Variants in TNRC6C observed in about 807,000 individuals in gnomAD.
The protein encoded by TNRC6C is trinucleotide repeat-containing gene 6C protein.
A neutral mutation model predicts 153.7 loss-of-function variants in TNRC6C; 20 were observed. The ratio of observed to expected loss-of-function variants is 0.13; its 90% CI spans 0.09 to 0.19. The LOEUF is 0.19. TNRC6C is among the 10% of genes least tolerant of loss of function. The pLI is 1.00. For synonymous variants in TNRC6C, 811 were observed against 841.4 expected (o/e 0.96, Z 0.63); for missense variants, 1,987 against 2,172.0 (o/e 0.91, Z 1.69).
chr17:78,027,908 T>G (rs1053562828), intron 1 of TNRC6C, among the ~76,000 whole-genome samples: 2 of 151,222 alleles, frequency 1.3e-5, no homozygotes, highest in Non-Finnish European at 3.0e-5. Flanking sequence ...TGGAGGTTTT[T>G]TTTTTTTTTT....
intron 2 of TNRC6C, among the ~76,000 whole-genome samples, chr17:78,042,764 A>G (rs904727485): frequency 6.6e-6 from 1 of 151,580 alleles, no homozygotes; most frequent in Non-Finnish European, 1.5e-5. Context: ...GGTGGTGATC[A>G]TGGTGGTGGT....
chr17:77,968,264 C>G (rs2070913960), intron 1 of TNRC6C, among the ~76,000 whole-genome samples: 1 of 151,498 alleles, frequency 6.6e-6, no homozygotes, highest in Non-Finnish European at 1.5e-5. Flanking sequence ...AAACTCCTGA[C>G]CTCGTGATTC....
intron 19 of TNRC6C, 97 bp downstream of exon 22, chr17:78,103,650 G>A (rs1247565359): frequency 2.1e-5 from 32 of 1,518,938 alleles, no homozygotes; most frequent in Non-Finnish European, 2.8e-5. Context: ...AGCCACCATA[G>A]CAGAATCCCA....
chr17:77,973,281 TCTAA>T (rs1436906979), intron 1 of TNRC6C, among the ~76,000 whole-genome samples: 1 of 151,902 alleles, frequency 6.6e-6, no homozygotes, highest in African/African-American at 2.4e-5. Context: ...TTTGACAAAA[TCTAA>T]CATTCTTTCA....
At chr17:78,093,185 GA>G in intron 15 of TNRC6C, 61 bp downstream of exon 17, 1 of 1,546,662 alleles carries the variant, frequency 6.5e-7, no homozygotes, top group Non-Finnish European at 8.8e-7. Flanking sequence ...CAAGCCTGCA[GA>G]GAGTGATTAG....
chr17:78,027,276 TGGA>T (rs2071960040), intron 1 of TNRC6C, among the ~76,000 whole-genome samples: 3 of 151,990 alleles, frequency 2.0e-5, no homozygotes, highest in African/African-American at 7.2e-5. Context: ...TGGGAGGAGC[TGGA>T]GGAGAATGTG....
intron 2 of TNRC6C, 129 bp from the exon 5 acceptor site, chr17:78,048,716 A>T (rs1283841701): frequency 4.2e-6 from 4 of 945,610 alleles, no homozygotes; most frequent in Non-Finnish European, 5.5e-6. Context: ...TCTTTAAGTC[A>T]TTTTTTTAGT....
chr17:78,039,127 G>A (rs895443956), intron 2 of TNRC6C, among the ~76,000 whole-genome samples: 4 of 152,226 alleles, frequency 2.6e-5, no homozygotes, highest in African/African-American at 4.8e-5. Context: ...TCGAGAGGCA[G>A]TAGGGACAAA....
At chr17:77,965,485 G>A (rs1850989133) in intron 1 of TNRC6C, among the ~76,000 whole-genome samples, 1 of 152,198 alleles carries the variant, frequency 6.6e-6, no homozygotes, top group African/African-American at 2.4e-5. Context: ...AATGTGTCTA[G>A]GTCCTTGGAA....
intron 13 of TNRC6C, among the ~76,000 whole-genome samples, chr17:78,088,872 A>G (rs995541864): frequency 2.7e-5 from 4 of 148,300 alleles, no homozygotes; most frequent in African/African-American, 1.0e-4. Context: ...CATCCCACCT[A>G]TTATCCTAAA....
chr17:78,083,789 A>T (rs1366060505), intron 11 of TNRC6C, among the ~76,000 whole-genome samples: 3 of 152,206 alleles, frequency 2.0e-5, no homozygotes, highest in African/African-American at 7.2e-5. Context: ...AATTCTTGAA[A>T]GTTTTGTAGC....
upstream of TNRC6C, chr17:78,004,405 GATATCCT>G: frequency 9.8e-7 from 1 of 1,021,180 alleles, no homozygotes; most frequent in Non-Finnish European, 1.3e-6. Context: ...GCGAATAATA[GATATCCT>G]ACTGGTGAAA....
chr17:78,020,699 AT>A (rs2071815392), intron 1 of TNRC6C, among the ~76,000 whole-genome samples: 1 of 152,248 alleles, frequency 6.6e-6, no homozygotes, highest in African/African-American at 2.4e-5. Flanking sequence ...TTAACTTGAT[AT>A]ATCCAAAATA....
At chr17:78,008,227 A>T (rs1027592797) in intron 1 of TNRC6C, among the ~76,000 whole-genome samples, 4 of 152,210 alleles carry the variant, frequency 2.6e-5, no homozygotes, top group African/African-American at 9.7e-5. Flanking sequence ...TATAATATGT[A>T]GCATGCTTTC....
At chr17:78,004,144 A>G (rs1488739977), upstream of TNRC6C, 7 of 1,231,682 alleles carry the variant, frequency 5.7e-6, no homozygotes, top group Non-Finnish European at 7.1e-6. Flanking sequence ...CATCAAACTT[A>G]TACTAGTTTT....
chr17:78,073,692 A>G (rs74256103), intron 7 of TNRC6C, among the ~76,000 whole-genome samples: 12,305 of 152,288 alleles, frequency 0.081, 573 homozygotes, highest in East Asian at 0.18. Flanking sequence ...TTGGGTTCCT[A>G]TGAGCCTCTG....
At chr17:78,028,274 G>C (rs1355124991) in intron 1 of TNRC6C, among the ~76,000 whole-genome samples, 1 of 152,100 alleles carries the variant, frequency 6.6e-6, no homozygotes, top group Non-Finnish European at 1.5e-5. Flanking sequence ...GGGGAGAAGT[G>C]GGAACAAGGA....
At chr17:78,036,807 C>G (rs1567927686) in intron 2 of TNRC6C, among the ~76,000 whole-genome samples, 1 of 151,584 alleles carries the variant, frequency 6.6e-6, no homozygotes, top group Non-Finnish European at 1.5e-5. Flanking sequence ...GCCTGTAACC[C>G]CAGCTACTCG....
At chr17:77,999,197 ATCCCTGACTC>A (rs1274548829), upstream of TNRC6C, among the ~76,000 whole-genome samples, 1 of 152,180 alleles carries the variant, frequency 6.6e-6, no homozygotes, top group Non-Finnish European at 1.5e-5. Flanking sequence ...TCTCTCTGGG[ATCCCTGACTC>A]TCCTGGGATA....
Sources: gnomAD v4.1 joint callset for allele counts (sites outside exome capture counted in the v4.1 genomes callset) on GRCh38, gnomAD v4.1.1 for gene constraint, MANE v1.5 for transcripts, NCBI Gene and HGNC (gene_info 2026-07-23, HGNC 2026-07-21) for gene names.